Variants in ARHGAP6 observed in about 807,000 individuals in gnomAD.
ARHGAP6 encodes the protein rho GTPase-activating protein 6.
ARHGAP6 carries 16 observed loss-of-function variants against 55.7 expected under a neutral mutation model. That is an observed-to-expected ratio of 0.29 (90% CI 0.19 to 0.44). The LOEUF (loss-of-function observed/expected upper bound fraction) is 0.44. Among genes scored for constraint, ARHGAP6 ranks in the 20% least tolerant of loss-of-function variants. ARHGAP6 has a pLI of 1.00. For missense variants in ARHGAP6, 698 were observed against 808.9 expected (o/e 0.86, Z 1.66); for synonymous variants, 382 against 360.9 (o/e 1.06, Z -0.66).
At chrX:11,559,445 C>A (rs939352833) in intron 1 of ARHGAP6, among the ~76,000 whole-genome samples, 1 of 111,335 alleles carries the variant, frequency 9.0e-6, no homozygotes, top group African/African-American at 3.3e-5. Context: ...AGGGTTCCTC[C>A]TCCCATAACA....
In ARHGAP6 at chrX:11,467,924, G is replaced by A. The variant is rs756374515; in HGVS notation, c.588+196317C>T. On this transcript the variant is annotated intron_variant, in intron 1 of 12. Transcript: ENST00000337414. ...GAGCCCGAGAGGCAGAGGTTGCAGTGAGCTAAGATTGTGCCACTGCACTCC... is the reference window on the plus strand; with the variant it reads ...GAGCCCGAGAGGCAGAGGTTGCAGTAAGCTAAGATTGTGCCACTGCACTCC... Among the ~76,000 whole-genome samples, 9 of 108,643 alleles carry A rather than the reference G, an allele frequency of 8.3e-5. No individual in the cohort carries two copies. In the East Asian group the frequency reaches 2.3e-3, roughly 28 times the overall value. The allele number at this position is 108,643 out of a possible 115,157, so 94.3% of individuals were successfully genotyped here. A position where few individuals can be genotyped will look rare whatever the true frequency, so the allele number is the denominator to read the frequency against.
intron 1 of ARHGAP6, among the ~76,000 whole-genome samples, chrX:11,537,770 T>C (rs1301490955): frequency 8.9e-6 from 1 of 112,212 alleles, no homozygotes; most frequent in African/African-American, 3.2e-5. Flanking sequence ...GAATTAAAAC[T>C]GAGAAAGTTT....
At chrX:11,427,430 C>G (rs2049893750) in intron 1 of ARHGAP6, 1 of 846,520 alleles carries the variant, frequency 1.2e-6, no homozygotes, top group Admixed American at 5.6e-5. Flanking sequence ...CCCGGCCACC[C>G]GCCACCCCCT....
chrX:11,419,337 T>C (rs1191743540), intron 1 of ARHGAP6, among the ~76,000 whole-genome samples: 2 of 112,121 alleles, frequency 1.8e-5, no homozygotes, highest in Non-Finnish European at 3.8e-5. Flanking sequence ...TGGATCCTGA[T>C]CGACACAAAG....
At chrX:11,140,489 CCCTTAACTA>C (rs2045606989) in intron 12 of ARHGAP6, among the ~76,000 whole-genome samples, 1 of 109,982 alleles carries the variant, frequency 9.1e-6, no homozygotes, top group African/African-American at 3.3e-5. Flanking sequence ...TTTCCCCCTT[CCCTTAACTA>C]CCAGCCCAGC....
At chrX:11,196,175 CA>C (rs2046538359) in intron 3 of ARHGAP6, among the ~76,000 whole-genome samples, 1 of 107,650 alleles carries the variant, frequency 9.3e-6, no homozygotes, top group Admixed American at 9.9e-5. Flanking sequence ...CAAAACAAAA[CA>C]AAAAAACTAA....
Position 11,144,253 on chromosome X carries a change from C to A in ARHGAP6, c.1908-5G>T, listed in dbSNP as rs367721228. On this transcript the variant is annotated splice_polypyrimidine_tract_variant and splice_region_variant and intron_variant, in intron 10 of 12. Transcript: ENST00000337414. Reference sequence around the variant, plus strand: ...GACTGCAGCATGTCAGGGCTTCTGGCACAATGAGACAATTACAGGTGCGTG... The same window carrying A: ...GACTGCAGCATGTCAGGGCTTCTGGAACAATGAGACAATTACAGGTGCGTG... 1.8e-4 allele frequency: 215 copies of A among 1,209,084 alleles called. No individual in the cohort carries two copies. The highest frequency in any genetic ancestry group is 2.3e-4 in the Non-Finnish European group (208 of 895,056).
chrX:11,543,396 G>A (rs1032972179), intron 1 of ARHGAP6, among the ~76,000 whole-genome samples: 19 of 112,496 alleles, frequency 1.7e-4, no homozygotes, highest in African/African-American at 5.8e-4. Context: ...CAATGTCATG[G>A]GACATTTTTA....
intron 1 of ARHGAP6, among the ~76,000 whole-genome samples, chrX:11,558,343 C>T (rs1440585144): frequency 9.0e-6 from 1 of 111,531 alleles, no homozygotes; most frequent in African/African-American, 3.3e-5. Flanking sequence ...ATTTGAACAT[C>T]GCCAAACATC....
intron 1 of ARHGAP6, among the ~76,000 whole-genome samples, chrX:11,641,902 C>T (rs1443728657): frequency 1.8e-5 from 2 of 111,480 alleles, no homozygotes; most frequent in African/African-American, 3.3e-5. Context: ...TCATCACTTG[C>T]TTTCTCTTCT....
chrX:11,416,082 T>C (rs1225839509), intron 1 of ARHGAP6, among the ~76,000 whole-genome samples: 1 of 111,600 alleles, frequency 9.0e-6, no homozygotes. Context: ...TGCTAGGAGT[T>C]CTATATTTCA....
At chrX:11,564,011 G>A (rs1324158526) in intron 1 of ARHGAP6, among the ~76,000 whole-genome samples, 1 of 111,123 alleles carries the variant, frequency 9.0e-6, no homozygotes, top group Non-Finnish European at 1.9e-5. Flanking sequence ...AAAACATTTT[G>A]TTGACATGTT....
At chrX:11,571,380 T>C (rs2051514545) in intron 1 of ARHGAP6, among the ~76,000 whole-genome samples, 1 of 110,959 alleles carries the variant, frequency 9.0e-6, no homozygotes, top group Non-Finnish European at 1.9e-5. Flanking sequence ...ATTCAGGCAA[T>C]TCACTTAACT....
intron 5 of ARHGAP6, among the ~76,000 whole-genome samples, chrX:11,183,667 A>G (rs754475053): frequency 1.3e-4 from 14 of 111,480 alleles, no homozygotes; most frequent in Non-Finnish European, 2.5e-4. Flanking sequence ...TGGTGAAGAA[A>G]TCTCAGTGAT....
At chrX:11,245,490 A>G (rs2047340933) in intron 2 of ARHGAP6, among the ~76,000 whole-genome samples, 1 of 111,726 alleles carries the variant, frequency 9.0e-6, no homozygotes, top group African/African-American at 3.3e-5. Flanking sequence ...CCACCTTATC[A>G]AGGCCCTGAG....
intron 1 of ARHGAP6, among the ~76,000 whole-genome samples, chrX:11,430,695 ATGTTATT>A (rs1057395941): frequency 8.9e-6 from 1 of 112,456 alleles, no homozygotes; most frequent in Non-Finnish European, 1.9e-5. Context: ...TATCCTTCCC[ATGTTATT>A]TGTTCACTTG....
chrX:11,516,651 T>C (rs183255049), intron 1 of ARHGAP6, among the ~76,000 whole-genome samples: 7 of 112,353 alleles, frequency 6.2e-5, no homozygotes, highest in Non-Finnish European at 9.4e-5. Flanking sequence ...ATTCCTCCAT[T>C]TTGCAGATGA....
chrX:11,216,319 T>G (rs1219495255), intron 2 of ARHGAP6, among the ~76,000 whole-genome samples: 1 of 111,575 alleles, frequency 9.0e-6, no homozygotes, highest in Non-Finnish European at 1.9e-5. Flanking sequence ...GGGTAAAGTG[T>G]TTAAGTCAGT....
intron 1 of ARHGAP6, among the ~76,000 whole-genome samples, chrX:11,567,566 A>AAAATATATATAT (rs1440758737): frequency 4.7e-5 from 4 of 84,411 alleles, no homozygotes; most frequent in African/African-American, 1.9e-4. Context: ...AAAAAAAAAA[A>AAAATATATATAT]ATATATATAT....
Sources: gnomAD v4.1 joint callset for allele counts (sites outside exome capture counted in the v4.1 genomes callset) on GRCh38, gnomAD v4.1.1 for gene constraint, MANE v1.5 for transcripts, NCBI Gene and HGNC (gene_info 2026-07-23, HGNC 2026-07-21) for gene names.